The following COL24A1 variants were observed in gnomAD, a reference collection of about 807,000 sequenced individuals.
The protein encoded by COL24A1 is collagen type XXIV alpha 1 chain.
In COL24A1, 224 loss-of-function variants were observed where a neutral mutation model predicts 253.9. That is an observed-to-expected ratio of 0.88 (90% CI 0.79 to 0.99). COL24A1 has a LOEUF of 0.99. COL24A1 is among the 50% of genes least tolerant of loss of function. The probability of loss-of-function intolerance (pLI) is 0.00; values close to 1 mark genes in which losing one functional copy is unlikely to be tolerated. For synonymous variants in COL24A1, 685 were observed against 673.7 expected, an observed-to-expected ratio of 1.02 and a Z score of -0.26; for missense variants, 2,131 against 2,068.5, an observed-to-expected ratio of 1.03 and a Z score of -0.59.
At chr1:85,925,349 G>C (rs2103044925) in intron 24 of COL24A1, among the ~76,000 whole-genome samples, 1 of 152,238 alleles carries the variant, frequency 6.6e-6, no homozygotes, top group Admixed American at 6.5e-5. Context: ...AACCAAAAAA[G>C]AGCCCGCATT....
chr1:85,827,481 G>C (rs1447809742), intron 43 of COL24A1, among the ~76,000 whole-genome samples: 2 of 151,740 alleles, frequency 1.3e-5, no homozygotes, highest in Non-Finnish European at 2.9e-5. Flanking sequence ...CTATTGATTG[G>C]AATAGTTTCA....
rs1666848635 is a variant in COL24A1 at position 85,761,536 on chromosome 1, G to A, written c.4405C>T (p.Pro1469Ser). Residue 1469 changes from proline to serine, a missense_variant, in exon 54 of 60, where the codon CCT (proline) becomes TCT (serine). Pro to Ser is a moderately conservative substitution (Grantham distance 74). Transcript: ENST00000370571. ...GPQGPRGQPG[P>S]PGPPGAPGPR... ...ATAAATGAAAACCAACTCACTGGAGGCCCTGGTTGACCTCTTGGTCCTTGA... is the reference window on the plus strand; with the variant it reads ...ATAAATGAAAACCAACTCACTGGAGACCCTGGTTGACCTCTTGGTCCTTGA... 10 of 1,614,058 alleles carry A rather than the reference G, an allele frequency of 6.2e-6. No individual in the cohort carries two copies. The East Asian group carries it at 2.2e-4, about 36-fold the overall frequency.
At chr1:86,000,365 A>G (rs771113607) in intron 19 of COL24A1, among the ~76,000 whole-genome samples, 3 of 152,218 alleles carry the variant, frequency 2.0e-5, no homozygotes, top group Non-Finnish European at 4.4e-5. Context: ...TTTTTAATAT[A>G]TCTTACAGTG....
chr1:85,809,989 C>A (rs926579695), intron 47 of COL24A1, among the ~76,000 whole-genome samples: 1 of 151,830 alleles, frequency 6.6e-6, no homozygotes, highest in South Asian at 2.1e-4. Context: ...CCCTGGCAGC[C>A]CCATTCTACT....
chr1:85,986,927 G>C (rs748949557), intron 20 of COL24A1, among the ~76,000 whole-genome samples: 1 of 151,720 alleles, frequency 6.6e-6, no homozygotes, highest in Non-Finnish European at 1.5e-5. Flanking sequence ...TTCTACATCA[G>C]CTTGCATGGC....
At chr1:86,031,431 G>A (rs975141027) in intron 14 of COL24A1, among the ~76,000 whole-genome samples, 1 of 152,010 alleles carries the variant, frequency 6.6e-6, no homozygotes, top group African/African-American at 2.4e-5. Context: ...AGTGCTTGAG[G>A]TGATACAAGC....
intron 43 of COL24A1, among the ~76,000 whole-genome samples, chr1:85,837,346 AG>A (rs1253095269): frequency 6.6e-6 from 1 of 152,200 alleles, no homozygotes; most frequent in Admixed American, 6.5e-5. Context: ...AGGGAGTGAA[AG>A]TTAATTTTTC....
chr1:86,131,659 G>C (rs1280994229), intron 2 of COL24A1, among the ~76,000 whole-genome samples: 2 of 151,870 alleles, frequency 1.3e-5, no homozygotes, highest in Non-Finnish European at 2.9e-5. Flanking sequence ...ATGGTTTCCA[G>C]CTTCATCCAT....
intron 43 of COL24A1, among the ~76,000 whole-genome samples, chr1:85,830,560 T>C (rs570154159): frequency 7.0e-4 from 107 of 152,270 alleles, no homozygotes; most frequent in African/African-American, 2.1e-3. Context: ...ACTGCTGTGC[T>C]AGCAATCAGC....
intron 23 of COL24A1, among the ~76,000 whole-genome samples, chr1:85,961,822 C>G (rs1224730413): frequency 6.6e-6 from 1 of 152,114 alleles, no homozygotes; most frequent in Non-Finnish European, 1.5e-5. Context: ...CACGTTTAAA[C>G]TGTCAGATCT....
intron 35 of COL24A1, among the ~76,000 whole-genome samples, chr1:85,873,295 C>G (rs1680748409): frequency 6.6e-6 from 1 of 151,858 alleles, no homozygotes; most frequent in African/African-American, 2.4e-5. Context: ...CCTCAAGGAT[C>G]TAGAATTAGA....
chr1:85,970,249 G>T lies in COL24A1; in HGVS notation c.2441C>A (p.Ala814Asp), dbSNP rs115569806. The T allele has an allele frequency of 1.5e-3, 2,434 of 1,591,274 alleles. 24 individuals carry two copies. The African/African-American group carries it at 0.018, about 12-fold the overall frequency. ...TACTCTTGGCCCCAGTTCCCCAAAGGCTCCAATTGGTCCTTCTTCTCCCTT... is the reference window on the plus strand; with the variant it reads ...TACTCTTGGCCCCAGTTCCCCAAAGTCTCCAATTGGTCCTTCTTCTCCCTT... ...GTQGEEGPIG[A>D]FGELGPRGKP... is the part of the protein sequence containing the mutation. Residue 814 changes from alanine to aspartate, a missense_variant, in exon 22 of 60, where the codon GCC (alanine) becomes GAC (aspartate). Transcript: ENST00000370571.
intron 5 of COL24A1, among the ~76,000 whole-genome samples, chr1:86,110,038 T>G (rs1349756351): frequency 6.6e-6 from 1 of 152,186 alleles, no homozygotes; most frequent in African/African-American, 2.4e-5. Flanking sequence ...CTGTGTGAAC[T>G]GTGAGAAATA....
intron 14 of COL24A1, among the ~76,000 whole-genome samples, chr1:86,027,466 G>C (rs1698142087): frequency 6.6e-6 from 1 of 152,136 alleles, no homozygotes; most frequent in Admixed American, 6.5e-5. Flanking sequence ...GGCTAAAAGG[G>C]GTCAACACAG....
At chr1:86,104,547 T>G (rs141605057) in intron 5 of COL24A1, among the ~76,000 whole-genome samples, 1 of 152,102 alleles carries the variant, frequency 6.6e-6, no homozygotes, top group African/African-American at 2.4e-5. Flanking sequence ...CTTTGAATGG[T>G]TTGTTTTTCT....
chr1:85,772,734 A>C (rs1369166878), intron 53 of COL24A1, among the ~76,000 whole-genome samples: 2 of 151,866 alleles, frequency 1.3e-5, no homozygotes, highest in African/African-American at 4.8e-5. Context: ...TTTTCTTATA[A>C]ATTTGTTTAA....
intron 7 of COL24A1, among the ~76,000 whole-genome samples, chr1:86,082,286 A>T (rs539107210): frequency 3.9e-5 from 6 of 152,220 alleles, no homozygotes; most frequent in African/African-American, 1.2e-4. Flanking sequence ...TAGTCCTTCA[A>T]TACTCCTCAA....
chr1:85,921,695 A>G (rs1277853719), intron 24 of COL24A1, among the ~76,000 whole-genome samples: 1 of 152,214 alleles, frequency 6.6e-6, no homozygotes, highest in Non-Finnish European at 1.5e-5. Context: ...AAAGGTAGAT[A>G]AAACCACAAA....
intron 19 of COL24A1, among the ~76,000 whole-genome samples, chr1:85,998,657 T>C (rs1188327441): frequency 6.6e-6 from 1 of 152,162 alleles, no homozygotes; most frequent in Admixed American, 6.5e-5. Context: ...TCTTCAGAGA[T>C]TTTTGCATTG....
Sources: gnomAD v4.1 joint callset for allele counts (sites outside exome capture counted in the v4.1 genomes callset) on GRCh38, gnomAD v4.1.1 for gene constraint, MANE v1.5 for transcripts, NCBI Gene and HGNC (gene_info 2026-07-23, HGNC 2026-07-21) for gene names.